SLC41A2: variants seen among roughly 807,000 people sequenced by gnomAD.
SLC41A2 encodes the protein SLC41A1-like 1.
SLC41A2 carries 32 observed loss-of-function variants against 58.3 expected under a neutral mutation model. The observed-to-expected ratio is 0.55, with a 90% CI of 0.41 to 0.74. The LOEUF (loss-of-function observed/expected upper bound fraction) is 0.74, where lower values mean the gene tolerates loss of function less well. SLC41A2 is among the 30% of genes least tolerant of loss of function. SLC41A2 has a pLI of 0.00. For synonymous variants in SLC41A2, 190 were observed against 235.0 expected, an observed-to-expected ratio of 0.81 and a Z score of 1.75; for missense variants, 514 against 680.6, an observed-to-expected ratio of 0.76 and a Z score of 2.72.
At chr12:104,925,160 T>C (rs2046780240) in intron 2 of SLC41A2, among the ~76,000 whole-genome samples, 1 of 152,226 alleles carries the variant, frequency 6.6e-6, no homozygotes, top group African/African-American at 2.4e-5. Context: ...CATGGTTGTT[T>C]ATATTACGAA....
intron 4 of SLC41A2, among the ~76,000 whole-genome samples, chr12:104,894,973 G>T (rs2045209356): frequency 1.3e-5 from 2 of 152,032 alleles, no homozygotes; most frequent in Admixed American, 1.3e-4. Context: ...TTACTAAACA[G>T]ATATATTAAT....
In SLC41A2 at chr12:104,928,698, G is replaced by T. The variant is rs1400564954; in HGVS notation, c.-167-4C>A. On this transcript the variant is annotated splice_region_variant and splice_polypyrimidine_tract_variant and intron_variant, in intron 1 of 10. Transcript: ENST00000258538. The stretch of plus-strand genomic sequence containing the variant: ...AAGTTCCACAGAAGGACTGGATCTG[G>T]AAAAATAAAATAATTTTTAAAAATC... The T allele has an allele frequency of 4.6e-6, 2 of 431,356 alleles. No individual in the cohort carries two copies. Among genetic ancestry groups the T allele is most frequent in the Non-Finnish European group, 8.1e-6 (2 of 245,946 alleles). 26.7% of individuals were successfully genotyped at this position (431,356 alleles called of 1,614,324 possible). A position where few individuals can be genotyped will look rare whatever the true frequency, so the allele number is the denominator to read the frequency against.
intron 1 of SLC41A2, among the ~76,000 whole-genome samples, chr12:104,940,301 C>T (rs1003433486): frequency 2.0e-5 from 3 of 151,092 alleles, no homozygotes; most frequent in Non-Finnish European, 2.9e-5. Context: ...AGTGAGCCAC[C>T]GAGCCCAGCC....
chr12:104,935,960 T>C (rs915359260), intron 1 of SLC41A2, among the ~76,000 whole-genome samples: 4 of 151,946 alleles, frequency 2.6e-5, no homozygotes, highest in African/African-American at 9.7e-5. Flanking sequence ...TGAGAATTGG[T>C]TGAACCCAGG....
rs1419486108 is a variant in SLC41A2, at chr12:104,803,184, T to A, written c.*1968A>T. 2.6e-5 allele frequency: 4 copies of A among 152,178 alleles called. No homozygotes were observed. Among genetic ancestry groups the A allele is most frequent in the African/African-American group, 9.6e-5 (4 of 41,460 alleles). The allele number at this position is 152,178 out of a possible 1,614,324, so 9.4% of individuals were successfully genotyped here. A position where few individuals can be genotyped will look rare whatever the true frequency, so the allele number is the denominator to read the frequency against. On this transcript the variant is annotated 3_prime_UTR_variant, in exon 11 of 11. Coordinates refer to ENST00000258538, the MANE Select transcript of SLC41A2 (RefSeq NM_001352171.3). ...TAGAAATCATTGGGAAATGTAAATG[T>A]TTATGAATCTTACAGCTCAAATGCA...
intron 10 of SLC41A2, among the ~76,000 whole-genome samples, chr12:104,821,282 G>C (rs535532337): frequency 4.0e-4 from 61 of 151,770 alleles, no homozygotes; most frequent in Middle Eastern, 3.2e-3. Flanking sequence ...AATTTGAGAA[G>C]AATCCCATAA....
chr12:104,928,536 C>T lies in SLC41A2; in HGVS notation c.-9G>A, dbSNP rs1226300567. On this transcript the variant is annotated 5_prime_UTR_variant, in exon 2 of 11. Transcript: ENST00000258538. ...CCTTTACTATTAGTCATATTGTCATCACAAAAGACCCTGTACTCCTTAGAT... is the reference window on the plus strand; with the variant it reads ...CCTTTACTATTAGTCATATTGTCATTACAAAAGACCCTGTACTCCTTAGAT... 2 of 1,474,728 alleles carry T rather than the reference C, an allele frequency of 1.4e-6. No homozygotes were observed. The highest frequency in any genetic ancestry group is 5.1e-5 in the Admixed American group (2 of 39,232). 91.4% of individuals were successfully genotyped at this position (1,474,728 alleles called of 1,614,324 possible).
At position 104,953,438 on chromosome 12, in the gene SLC41A2, T is replaced by A. The variant is rs2048030898; in HGVS notation, c.-168+4650A>T. ...TTTTCTTTCTCTCCACCCCCATCAC[T>A]AATTCCTCCCACAGGAAAGTGACTT... On this transcript the variant is annotated intron_variant, in intron 1 of 10. Transcript: ENST00000258538. Among the ~76,000 whole-genome samples, 3 of 152,208 alleles carry A rather than the reference T, an allele frequency of 2.0e-5. No homozygotes were observed. In the South Asian group the frequency reaches 6.2e-4, roughly 31 times the overall value.
chr12:104,950,423 T>C (rs2047907863), intron 1 of SLC41A2, among the ~76,000 whole-genome samples: 1 of 152,226 alleles, frequency 6.6e-6, no homozygotes, highest in South Asian at 2.1e-4. Context: ...AGGTCTTTGC[T>C]TCCCCTTCGC....
rs1166063454 is a variant in SLC41A2 at position 104,842,166 on chromosome 12, T to C, written c.1536+2306A>G. Among the ~76,000 whole-genome samples the C allele has an allele frequency of 2.0e-5, 3 of 152,230 alleles. No homozygotes were observed. The East Asian group carries it at 5.8e-4, about 29-fold the overall frequency. On this transcript the variant is annotated intron_variant, in intron 10 of 10. Transcript: ENST00000258538. Reference sequence around the variant, plus strand: ...GTTATTTCTTCATTCTGTTCATCTTTGGATTGACTGAAGCCAGGTGGGGAA... The same window carrying C: ...GTTATTTCTTCATTCTGTTCATCTTCGGATTGACTGAAGCCAGGTGGGGAA...
At chr12:104,891,549 A>G (rs963872833) in intron 4 of SLC41A2, among the ~76,000 whole-genome samples, 3 of 149,854 alleles carry the variant, frequency 2.0e-5, no homozygotes, top group Non-Finnish European at 4.4e-5. Flanking sequence ...CTGGTTGTTA[A>G]ATGTTTTGAT....
intron 6 of SLC41A2, among the ~76,000 whole-genome samples, chr12:104,878,774 C>T (rs971491708): frequency 8.5e-5 from 13 of 152,144 alleles, no homozygotes; most frequent in African/African-American, 1.4e-4. Flanking sequence ...AATAAACATA[C>T]GTGTGCATAT....
At chr12:104,815,646 C>T (rs1483376865) in intron 10 of SLC41A2, among the ~76,000 whole-genome samples, 7 of 152,006 alleles carry the variant, frequency 4.6e-5, no homozygotes, top group Admixed American at 3.3e-4. Flanking sequence ...TACAAATAAA[C>T]CCGAGAAGTA....
chr12:104,908,333 A>T (rs1391611289), intron 3 of SLC41A2, among the ~76,000 whole-genome samples: 1 of 152,210 alleles, frequency 6.6e-6, no homozygotes, highest in East Asian at 1.9e-4. Flanking sequence ...CTTTCCAAGC[A>T]TCTGCTTTAC....
intron 6 of SLC41A2, among the ~76,000 whole-genome samples, chr12:104,867,708 G>C (rs1206421625): frequency 2.0e-5 from 3 of 149,512 alleles, no homozygotes; most frequent in Non-Finnish European, 3.0e-5. Flanking sequence ...CTTTTGTATG[G>C]ATTTGCCATC....
chr12:104,825,434 G>A (rs924886391), intron 10 of SLC41A2, among the ~76,000 whole-genome samples: 4 of 152,162 alleles, frequency 2.6e-5, no homozygotes, highest in Admixed American at 6.5e-5. Context: ...AACCCAGTCT[G>A]AACCAGGAAA....
intron 10 of SLC41A2, among the ~76,000 whole-genome samples, chr12:104,824,954 C>T (rs57845641): frequency 0.018 from 2,806 of 152,274 alleles, 106 homozygotes; most frequent in African/African-American, 0.063. Context: ...CTCTTTCCTG[C>T]GGGTAAGAGG....
intron 8 of SLC41A2, among the ~76,000 whole-genome samples, chr12:104,856,236 T>C (rs1475142004): frequency 6.6e-6 from 1 of 151,574 alleles, no homozygotes; most frequent in Non-Finnish European, 1.5e-5. Flanking sequence ...AAGAGACAGG[T>C]AGAAAGAAGG....
intron 3 of SLC41A2, among the ~76,000 whole-genome samples, chr12:104,909,155 C>T (rs1014460750): frequency 1.3e-5 from 2 of 152,142 alleles, no homozygotes; most frequent in South Asian, 2.1e-4. Flanking sequence ...TATGCATTTA[C>T]ATTATGATAT....
Sources: gnomAD v4.1 joint callset for allele counts (sites outside exome capture counted in the v4.1 genomes callset) on GRCh38, gnomAD v4.1.1 for gene constraint, MANE v1.5 for transcripts, NCBI Gene and HGNC (gene_info 2026-07-23, HGNC 2026-07-21) for gene names.